The following GOLT1A variants were observed in gnomAD, a reference collection of about 807,000 sequenced individuals.
The protein encoded by GOLT1A is vesicle transport protein GOT1A.
Under a neutral mutation model 16.1 loss-of-function variants are expected in GOLT1A, and 10 were observed. That is an observed-to-expected ratio of 0.62 (90% CI 0.38 to 1.05). The LOEUF (loss-of-function observed/expected upper bound fraction) is 1.05, where lower values mean the gene tolerates loss of function less well. GOLT1A is among the 50% of genes least tolerant of loss of function. The pLI is 0.01. For synonymous variants in GOLT1A, 60 were observed against 67.9 expected (o/e 0.88, Z 0.57); for missense variants, 137 against 165.7 (o/e 0.83, Z 0.95).
At chr1:204,210,600 AT>A (rs1372349482) in intron 1 of GOLT1A, among the ~76,000 whole-genome samples, 1 of 151,942 alleles carries the variant, frequency 6.6e-6, no homozygotes, top group Non-Finnish European at 1.5e-5. Flanking sequence ...ATTTTTTAAA[AT>A]TGGTTTAAAT....
chr1:204,205,933 G>C (rs1414282265), intron 1 of GOLT1A, among the ~76,000 whole-genome samples: 6 of 152,150 alleles, frequency 3.9e-5, no homozygotes, highest in African/African-American at 1.4e-4. Context: ...AGCTGGACAT[G>C]GTGGCATGCG....
chr1:204,207,600 T>C (rs1372995544), intron 1 of GOLT1A, among the ~76,000 whole-genome samples: 1 of 152,146 alleles, frequency 6.6e-6, no homozygotes, highest in African/African-American at 2.4e-5. Flanking sequence ...CAGCTACAGC[T>C]CCAAGAAAAC....
chr1:204,200,489 A>G (rs1414218449), intron 3 of GOLT1A, among the ~76,000 whole-genome samples: 1 of 149,874 alleles, frequency 6.7e-6, no homozygotes. Flanking sequence ...AAGCCTGGCT[A>G]ATTTTTTTTT....
At chr1:204,202,782 A>G in intron 2 of GOLT1A, 114 bp downstream of exon 2, 1 of 779,026 alleles carries the variant, frequency 1.3e-6, no homozygotes, top group Non-Finnish European at 2.2e-6. Context: ...TACTTAAGGG[A>G]TTTATTTAAA....
At chr1:204,203,479 C>G (rs1173005145) in intron 1 of GOLT1A, among the ~76,000 whole-genome samples, 1 of 152,202 alleles carries the variant, frequency 6.6e-6, no homozygotes, top group Non-Finnish European at 1.5e-5. Context: ...GGTCCTTACT[C>G]AAGAGGCTGG....
In GOLT1A at chr1:204,198,408, T is replaced by A; in HGVS notation, c.*50A>T. The A allele has an allele frequency of 6.4e-7, 1 of 1,563,966 alleles. No individual in the cohort carries two copies. Among genetic ancestry groups the A allele is most frequent in the Non-Finnish European group, 8.8e-7 (1 of 1,135,168 alleles). On this transcript the variant is annotated 3_prime_UTR_variant, in exon 5 of 5. Coordinates refer to ENST00000308302, the MANE Select transcript of GOLT1A (RefSeq NM_198447.2). ...CTGAGGGGGTGGTTCCCATTCTCCC[T>A]CTAGCCCCCTCAACCAATGATCCAA...
At position 204,200,806 on chromosome 1, in the gene GOLT1A, T is replaced by C. The variant is rs1033904665; in HGVS notation, c.296+827A>G. On this transcript the variant is annotated intron_variant, in intron 3 of 4. Transcript: ENST00000308302. The stretch of plus-strand genomic sequence containing the variant: ...CCTGGGGATTCCTGAGCCCCACACC[T>C]TTCCATGATTGCAGAAGCCATCATT... Among the ~76,000 whole-genome samples, 3 of 152,156 alleles carry C rather than the reference T, an allele frequency of 2.0e-5. No individual in the cohort carries two copies. The East Asian group carries it at 5.8e-4, about 29-fold the overall frequency.
chr1:204,198,964 G>C, intron 4 of GOLT1A: 1 of 564,864 alleles, frequency 1.8e-6, no homozygotes, highest in Non-Finnish European at 3.2e-6. Context: ...TGCCTCTACA[G>C]CCACACTCAG....
rs1460390630 is a variant in GOLT1A at position 204,213,935 on chromosome 1, G to A, written c.-29C>T. On this transcript the variant is annotated 5_prime_UTR_variant, in exon 1 of 5. Transcript: ENST00000308302. ...GCACTCAGCCTGGGGGGCTTTCCGGGTGGAAGCGGGCAAGTGGAGCGTGGC... is the reference window on the plus strand; with the variant it reads ...GCACTCAGCCTGGGGGGCTTTCCGGATGGAAGCGGGCAAGTGGAGCGTGGC... 1 of 1,611,484 alleles carries A rather than the reference G, an allele frequency of 6.2e-7. No individual in the cohort carries two copies. Among genetic ancestry groups the A allele is most frequent in the East Asian group, 2.2e-5 (1 of 44,800 alleles).
intron 3 of GOLT1A, among the ~76,000 whole-genome samples, chr1:204,200,410 G>A (rs954868165): frequency 6.8e-6 from 1 of 147,790 alleles, no homozygotes; most frequent in South Asian, 2.2e-4. Flanking sequence ...TGCAACCTTC[G>A]CCCCCTGCGT....
chr1:204,200,299 G>GTGTGTGTGTATATATATATATATATA, intron 3 of GOLT1A, among the ~76,000 whole-genome samples: 7 of 82,670 alleles, frequency 8.5e-5, no homozygotes, highest in African/African-American at 3.9e-4. Context: ...ACATATATGT[G>GTGTGTGTGTATATATATATATATATA]TATATATATA....
chr1:204,206,235 A>G (rs1347795876), intron 1 of GOLT1A, among the ~76,000 whole-genome samples: 1 of 152,224 alleles, frequency 6.6e-6, no homozygotes, highest in African/African-American at 2.4e-5. Flanking sequence ...TTCTCTCAAC[A>G]TATCACCCAG....
intron 1 of GOLT1A, among the ~76,000 whole-genome samples, chr1:204,213,049 G>A (rs1483763375): frequency 6.6e-6 from 1 of 152,134 alleles, no homozygotes; most frequent in African/African-American, 2.4e-5. Context: ...TTCTCAGTGA[G>A]GCTTCCCTGA....
Position 204,199,583 on chromosome 1 carries a change from G to A in GOLT1A, c.297-325C>T, listed in dbSNP as rs568738837. On this transcript the variant is annotated intron_variant, in intron 3 of 4. Transcript: ENST00000308302. ...AACAGTATCTACATCATAAGGCCAC[G>A]TACAAAGAAATGCTCAGGAAGTGCT... Among the ~76,000 whole-genome samples, 67 of 152,278 alleles carry A rather than the reference G, an allele frequency of 4.4e-4. 1 individual carries two copies. Among genetic ancestry groups the A allele is most frequent in the African/African-American group, 1.6e-3 (66 of 41,546 alleles).
intron 1 of GOLT1A, among the ~76,000 whole-genome samples, chr1:204,204,915 A>C (rs1047386923): frequency 6.6e-6 from 1 of 151,860 alleles, no homozygotes; most frequent in South Asian, 2.1e-4. Flanking sequence ...TTCCCTAATG[A>C]TTAATGATTA....
At chr1:204,207,036 T>C (rs1381550457) in intron 1 of GOLT1A, among the ~76,000 whole-genome samples, 1 of 152,254 alleles carries the variant, frequency 6.6e-6, no homozygotes, top group Non-Finnish European at 1.5e-5. Flanking sequence ...TCAGAAACTC[T>C]GTTTCTCACA....
At chr1:204,213,793 T>C in intron 1 of GOLT1A, 89 bp downstream of exon 1, 1 of 1,451,844 alleles carries the variant, frequency 6.9e-7, no homozygotes, top group Non-Finnish European at 9.5e-7. Flanking sequence ...GTCACGCTTG[T>C]AGTGACAGAG....
intron 2 of GOLT1A, among the ~76,000 whole-genome samples, chr1:204,202,186 T>C (rs1239003693): frequency 2.6e-5 from 4 of 151,768 alleles, no homozygotes; most frequent in African/African-American, 9.7e-5. Context: ...TAGGCAGCCA[T>C]ACTGAAAGTC....
At chr1:204,202,332 T>C (rs1023509737) in intron 2 of GOLT1A, among the ~76,000 whole-genome samples, 2 of 151,348 alleles carry the variant, frequency 1.3e-5, no homozygotes, top group African/African-American at 4.9e-5. Context: ...TTGAACTCTC[T>C]GGTTTTCTTC....
Sources: gnomAD v4.1 joint callset for allele counts (sites outside exome capture counted in the v4.1 genomes callset) on GRCh38, gnomAD v4.1.1 for gene constraint, MANE v1.5 for transcripts, NCBI Gene and HGNC (gene_info 2026-07-23, HGNC 2026-07-21) for gene names.